ABTB2: variants seen among roughly 807,000 people sequenced by gnomAD.
The protein encoded by ABTB2 is ankyrin repeat and BTB domain containing 2, also known as ankyrin repeat and BTB/POZ domain-containing protein 2.
A neutral mutation model predicts 104.1 loss-of-function variants in ABTB2; 56 were observed. That is an observed-to-expected ratio of 0.54 (90% CI 0.43 to 0.67). The LOEUF is 0.67. ABTB2 is among the 30% of genes least tolerant of loss of function. ABTB2 has a pLI of 0.00. For synonymous variants in ABTB2, 606 were observed against 608.2 expected, an observed-to-expected ratio of 1.00 and a Z score of 0.05; for missense variants, 1,279 against 1,407.7, an observed-to-expected ratio of 0.91 and a Z score of 1.46.
intron 1 of ABTB2, among the ~76,000 whole-genome samples, chr11:34,298,417 T>C (rs1191685874): frequency 6.6e-6 from 1 of 151,394 alleles, no homozygotes; most frequent in Non-Finnish European, 1.5e-5. Flanking sequence ...TGTTTCTTTT[T>C]TTTTTTTTAA....
intron 1 of ABTB2, among the ~76,000 whole-genome samples, chr11:34,301,338 G>T (rs1166651469): frequency 6.6e-6 from 1 of 152,114 alleles, no homozygotes; most frequent in African/African-American, 2.4e-5. Context: ...TTCAGGTCCT[G>T]GGATAGCAGA....
At chr11:34,204,755 TGCTGCAGGCAGG>T in intron 1 of ABTB2, 65 bp from the exon 2 acceptor site, 1 of 1,541,812 alleles carries the variant, frequency 6.5e-7, no homozygotes, top group South Asian at 1.2e-5. Flanking sequence ...GGCCCCAGCC[TGCTGCAGGCAGG>T]GCTCAGCCCT....
chr11:34,201,820 A>G lies in ABTB2; in HGVS notation c.1030+2724T>C, dbSNP rs1004115037. Among the ~76,000 whole-genome samples, 5 of 152,344 alleles carry G rather than the reference A, an allele frequency of 3.3e-5. No homozygotes were observed. In the South Asian group the frequency reaches 1.0e-3, roughly 32 times the overall value. On this transcript the variant is annotated intron_variant, in intron 2 of 16. Transcript: ENST00000435224. ...CTCTGGTCTGTGAAAAGATGCTGTA[A>G]GGAGGCTTCTTCCTTTGGCCCTGAG...
At chr11:34,207,095 A>C (rs902413485) in intron 1 of ABTB2, among the ~76,000 whole-genome samples, 4 of 152,242 alleles carry the variant, frequency 2.6e-5, no homozygotes, top group African/African-American at 9.6e-5. Context: ...GCTGGCCGTA[A>C]GCTTTAAAAC....
intron 1 of ABTB2, among the ~76,000 whole-genome samples, chr11:34,254,233 G>A (rs1263550325): frequency 6.6e-6 from 1 of 151,836 alleles, no homozygotes; most frequent in Admixed American, 6.6e-5. Flanking sequence ...TTCTGACACC[G>A]AGAAATAAAG....
In ABTB2 at chr11:34,159,328, C is replaced by T. The variant is rs199929350; in HGVS notation, c.2665G>A (p.Glu889Lys). The T allele has an allele frequency of 5.0e-6, 8 of 1,613,832 alleles. No homozygotes were observed. The highest frequency in any genetic ancestry group is 3.3e-5 in the Admixed American group (2 of 60,000). The part of the protein sequence containing the change: ...EQDGDSSKTI[E>K]ISDMKYHIFQ... ...ATGTGGTACTTCATGTCGCTGATCT[C>T]GATGGTCTTGCTGCTGTCCCCATCC... The change falls in exon 14 of 17, where the codon GAG becomes AAG. Residue 889 changes from glutamate to lysine, a missense_variant. Coordinates refer to ENST00000435224, the MANE Select transcript of ABTB2 (RefSeq NM_145804.3).
chr11:34,295,730 G>T (rs926660045), intron 1 of ABTB2, among the ~76,000 whole-genome samples: 1 of 152,202 alleles, frequency 6.6e-6, no homozygotes, highest in Admixed American at 6.5e-5. Flanking sequence ...TGAGATCAGG[G>T]TGCCAGCATG....
At chr11:34,182,868 C>T (rs920971749) in intron 3 of ABTB2, among the ~76,000 whole-genome samples, 5 of 152,046 alleles carry the variant, frequency 3.3e-5, no homozygotes, top group Non-Finnish European at 7.4e-5. Context: ...TTATTATTTC[C>T]GTTTTATACA....
chr11:34,303,636 C>CTTTTT (rs35677380), intron 1 of ABTB2, among the ~76,000 whole-genome samples: 16 of 79,118 alleles, frequency 2.0e-4, no homozygotes, highest in East Asian at 4.2e-4. Flanking sequence ...ACTATGGGTG[C>CTTTTT]TTTTTTTTTT....
intron 11 of ABTB2, 78 bp downstream of exon 11, chr11:34,160,825 T>C: frequency 6.8e-7 from 1 of 1,467,946 alleles, no homozygotes; most frequent in Non-Finnish European, 9.2e-7. Flanking sequence ...TCCACGTGTC[T>C]GCCTGTGTGT....
intron 1 of ABTB2, among the ~76,000 whole-genome samples, chr11:34,289,886 T>C (rs1854548499): frequency 6.6e-6 from 1 of 152,220 alleles, no homozygotes; most frequent in Non-Finnish European, 1.5e-5. Flanking sequence ...ACTAATCAGA[T>C]GTGTGTTGGT....
At chr11:34,168,565 T>C (rs1382545550) in intron 5 of ABTB2, among the ~76,000 whole-genome samples, 1 of 152,194 alleles carries the variant, frequency 6.6e-6, no homozygotes, top group Non-Finnish European at 1.5e-5. Context: ...CATCGTAATA[T>C]TCCCATCCTC....
At chr11:34,232,688 T>C (rs1388337951) in intron 1 of ABTB2, among the ~76,000 whole-genome samples, 1 of 151,962 alleles carries the variant, frequency 6.6e-6, no homozygotes, top group Non-Finnish European at 1.5e-5. Flanking sequence ...AGGGTGGTGG[T>C]TGGTCAGGGG....
At chr11:34,319,485 A>G (rs1854976378) in intron 1 of ABTB2, among the ~76,000 whole-genome samples, 1 of 152,152 alleles carries the variant, frequency 6.6e-6, no homozygotes, top group South Asian at 2.1e-4. Flanking sequence ...GGAACAGCCA[A>G]CATACACCAA....
At position 34,161,003 on chromosome 11, in the gene ABTB2, C is replaced by T. The variant is rs1218010290; in HGVS notation, c.2297G>A (p.Ser766Asn). The change falls in exon 11 of 17, where the codon AGC becomes AAC. Residue 766 changes from serine to asparagine, a missense_variant. Physicochemically the swap from Ser to Asn is conservative, Grantham distance 46. Coordinates refer to ENST00000435224, the MANE Select transcript of ABTB2 (RefSeq NM_145804.3). ...GATGGAGCTGAAGTCCCGCAGGAGGCTCTGCACCACCGAGTACCGCGACTG... is the reference window on the plus strand; with the variant it reads ...GATGGAGCTGAAGTCCCGCAGGAGGTTCTGCACCACCGAGTACCGCGACTG... ...FSQSRYSVVQ[S>N]LLRDFSSIRE... 6.2e-7 allele frequency: 1 copy of T among 1,613,680 alleles called. No individual in the cohort carries two copies. Among genetic ancestry groups the T allele is most frequent in the Non-Finnish European group, 8.5e-7 (1 of 1,179,926 alleles).
chr11:34,173,044 C>T (rs1852905712), intron 4 of ABTB2, 111 bp downstream of exon 4: 2 of 1,356,120 alleles, frequency 1.5e-6, no homozygotes, highest in African/African-American at 1.4e-5. Context: ...AAATGTGCTG[C>T]AGCCCCTGCT....
At chr11:34,162,417 G>A (rs1262279137) in intron 10 of ABTB2, among the ~76,000 whole-genome samples, 159 bp downstream of exon 10, 1 of 152,146 alleles carries the variant, frequency 6.6e-6, no homozygotes, top group Non-Finnish European at 1.5e-5. Context: ...CGTGTAGCAG[G>A]GGGGTCCCAG....
At chr11:34,351,140 G>T (rs935600902) in intron 1 of ABTB2, among the ~76,000 whole-genome samples, 1 of 151,984 alleles carries the variant, frequency 6.6e-6, no homozygotes, top group South Asian at 2.1e-4. Flanking sequence ...AAGTGTCTCT[G>T]GTTTGTTTCA....
intron 1 of ABTB2, among the ~76,000 whole-genome samples, chr11:34,282,411 T>C (rs1854457676): frequency 6.6e-6 from 1 of 152,174 alleles, no homozygotes; most frequent in African/African-American, 2.4e-5. Flanking sequence ...GGTTTTAAAA[T>C]AGTATTAAAA....
Sources: gnomAD v4.1 joint callset for allele counts (sites outside exome capture counted in the v4.1 genomes callset) on GRCh38, gnomAD v4.1.1 for gene constraint, MANE v1.5 for transcripts, NCBI Gene and HGNC (gene_info 2026-07-23, HGNC 2026-07-21) for gene names.